NBPF20: variants seen among roughly 807,000 people sequenced by gnomAD.
NBPF20 encodes NBPF family member NBPF20.
A neutral mutation model predicts 68.1 loss-of-function variants in NBPF20; 90 were observed. The observed-to-expected ratio is 1.32, with a 90% CI of 1.11 to 1.58. The LOEUF (loss-of-function observed/expected upper bound fraction) is 1.58. Ranked by LOEUF, NBPF20 falls within the 40% of genes most tolerant of loss-of-function variation. The probability of loss-of-function intolerance (pLI) is 0.00; values close to 1 mark genes in which losing one functional copy is unlikely to be tolerated. For missense variants in NBPF20, 816 were observed against 601.2 expected (o/e 1.36, Z -3.74); for synonymous variants, 290 against 228.1 (o/e 1.27, Z -2.45).
the NBPF20 span, among the ~76,000 whole-genome samples, chr1:145,415,339 G>A: frequency 2.2e-4 from 34 of 151,770 alleles, no homozygotes; most frequent in Admixed American, 1.2e-3. Flanking sequence ...GCCCAGGGAC[G>A]AGCCGGAGAC....
At chr1:145,416,109 GAA>G in the NBPF20 span, among the ~76,000 whole-genome samples, 1 of 150,108 alleles carries the variant, frequency 6.7e-6, no homozygotes, top group Non-Finnish European at 1.5e-5. Context: ...TGAGCCCAAG[GAA>G]AAGAGAAATA....
exon 2 of NBPF20, chr1:145,405,149 A>G (rs781839985): frequency 6.2e-7 from 1 of 1,613,748 alleles, no homozygotes; most frequent in Non-Finnish European, 8.5e-7. Flanking sequence ...GTTACAAAAC[A>G]TCTCTCTTTG....
At chr1:145,292,062 T>C (rs146466101) in intron 137 of NBPF20, among the ~76,000 whole-genome samples, 4 of 149,362 alleles carry the variant, frequency 2.7e-5, no homozygotes, top group African/African-American at 1.0e-4. Context: ...TCTGAGTTAG[T>C]GTCCTCATGA....
intron 8 of NBPF20, among the ~76,000 whole-genome samples, chr1:145,394,542 G>T (rs1339855324): frequency 2.6e-5 from 4 of 152,048 alleles, no homozygotes; most frequent in African/African-American, 9.7e-5. Context: ...CTTTCACTGA[G>T]AGGTAGACAA....
intron 7 of NBPF20, among the ~76,000 whole-genome samples, chr1:145,396,807 T>C (rs1553663984): frequency 4.0e-4 from 60 of 148,562 alleles, no homozygotes; most frequent in African/African-American, 1.4e-3. Context: ...TTAGGGTACA[T>C]GTGCACAACG....
intron 10 of NBPF20, among the ~76,000 whole-genome samples, chr1:145,392,731 T>C (rs1433026762): frequency 2.9e-5 from 2 of 68,802 alleles, no homozygotes; most frequent in Non-Finnish European, 4.9e-5. Flanking sequence ...GCGAGGATTT[T>C]AGACGCTGAA....
chr1:145,394,718 G>C (rs1293548049), intron 8 of NBPF20, among the ~76,000 whole-genome samples: 5 of 151,888 alleles, frequency 3.3e-5, no homozygotes, highest in Non-Finnish European at 7.3e-5. Context: ...TGCCACACCT[G>C]CCTTGAGTTC....
the NBPF20 span, among the ~76,000 whole-genome samples, chr1:145,412,426 T>C: frequency 6.6e-6 from 1 of 152,080 alleles, no homozygotes; most frequent in African/African-American, 2.4e-5. Context: ...TTGCTCATTT[T>C]CTATGTACAT....
intron 7 of NBPF20, among the ~76,000 whole-genome samples, chr1:145,396,684 TG>T (rs1662258716): frequency 6.7e-6 from 1 of 149,424 alleles, no homozygotes; most frequent in Non-Finnish European, 1.5e-5. Context: ...CAGAAGAGAG[TG>T]GGAGCAATAT....
rs1377306107 is a variant in NBPF20 at position 145,400,927 on chromosome 1, G to A, written c.566+132C>T. On this transcript the variant is annotated intron_variant, in intron 5 of 137. Coordinates refer to ENST00000369373, the Ensembl canonical transcript of NBPF20. ...AGCTGCCGCACCCTGTGTCTAAGCTGGGTTATATTTCACATACTGTGGCCA... is the reference window on the plus strand; with the variant it reads ...AGCTGCCGCACCCTGTGTCTAAGCTAGGTTATATTTCACATACTGTGGCCA... The A allele has an allele frequency of 5.7e-5, 64 of 1,130,794 alleles. 1 individual carries two copies. The highest frequency in any genetic ancestry group is 4.7e-4 in the South Asian group (38 of 81,356). The allele number at this position is 1,130,794 out of a possible 1,614,324, so 70.0% of individuals were successfully genotyped here. A position where few individuals can be genotyped will look rare whatever the true frequency, so the allele number is the denominator to read the frequency against.
chr1:145,292,553 CT>C (rs1275152062), intron 136 of NBPF20, 64 bp from the exon 142 acceptor site: 1 of 714,530 alleles, frequency 1.4e-6, no homozygotes, highest in Non-Finnish European at 2.5e-6. Context: ...TAACAATCCA[CT>C]GTCTAATCCT....
At chr1:145,410,210 C>A (rs1662954160), upstream of NBPF20, among the ~76,000 whole-genome samples, 1 of 151,882 alleles carries the variant, frequency 6.6e-6, no homozygotes, top group Admixed American at 6.6e-5. Context: ...TAATTTTAGC[C>A]ATTCTTATGG....
chr1:145,416,094 G>T, the NBPF20 span, among the ~76,000 whole-genome samples: 1 of 151,278 alleles, frequency 6.6e-6, no homozygotes, highest in Non-Finnish European at 1.5e-5. Context: ...TGGCGCCGTT[G>T]CATTTGAGCC....
At chr1:145,405,296 T>G (rs1278213856) in exon 2 of NBPF20, 107 of 1,597,234 alleles carry the variant, frequency 6.7e-5, no homozygotes, top group Non-Finnish European at 9.2e-5. Flanking sequence ...GCAGAAGAGG[T>G]GGAGTCAGGG....
In NBPF20 at chr1:145,398,054, G is replaced by C. The variant is rs1361148262; in HGVS notation, c.827+995C>G. 4.8e-3 allele frequency among the ~76,000 whole-genome samples: 737 copies of C among 152,220 alleles called. 6 individuals carry two copies. Among genetic ancestry groups the C allele is most frequent in the Non-Finnish European group, 7.8e-3 (532 of 68,006 alleles). ...TAACTATCCTAAACATATATGCACC[G>C]TATACAGGAGCACCCAGATTCATAA... On this transcript the variant is annotated intron_variant, in intron 7 of 137. Transcript: ENST00000369373.
intron 5 of NBPF20, 28 bp from the exon 11 acceptor site, chr1:145,400,622 C>A (rs1206099426): frequency 5.6e-6 from 9 of 1,601,014 alleles, no homozygotes; most frequent in Admixed American, 3.3e-5. Flanking sequence ...ACAGAGATGA[C>A]AGAAGATTAA....
At chr1:145,424,678 G>A in the NBPF20 span, among the ~76,000 whole-genome samples, 1 of 152,190 alleles carries the variant, frequency 6.6e-6, no homozygotes, top group African/African-American at 2.4e-5. Flanking sequence ...TCGGAGAAAG[G>A]ACGCCAAATG....
chr1:145,400,898 T>G (rs1194461473), intron 5 of NBPF20, among the ~76,000 whole-genome samples, 161 bp downstream of exon 10: 2 of 151,860 alleles, frequency 1.3e-5, no homozygotes, highest in Non-Finnish European at 2.9e-5. Flanking sequence ...CAGAGAAACA[T>G]GACAGCTGCC....
At chr1:145,396,284 CGAGAA>C (rs1209478231) in intron 7 of NBPF20, among the ~76,000 whole-genome samples, 4 of 151,662 alleles carry the variant, frequency 2.6e-5, no homozygotes, top group East Asian at 1.9e-4. Flanking sequence ...TGAAATGAAG[CGAGAA>C]GAGAAGTTTA....
Sources: gnomAD v4.1 joint callset for allele counts (sites outside exome capture counted in the v4.1 genomes callset) on GRCh38, gnomAD v4.1.1 for gene constraint, MANE v1.5 for transcripts, NCBI Gene and HGNC (gene_info 2026-07-23, HGNC 2026-07-21) for gene names.